Variants in CRYBG2 observed in about 807,000 individuals in gnomAD.
CRYBG2 encodes crystallin beta-gamma domain containing 2, also known as beta/gamma crystallin domain-containing protein 2.
CRYBG2 carries 106 observed loss-of-function variants against 153.4 expected under a neutral mutation model. The observed-to-expected ratio is 0.69, with a 90% CI of 0.59 to 0.81. The LOEUF is 0.81. Among genes scored for constraint, CRYBG2 ranks in the 30% least tolerant of loss-of-function variants. CRYBG2 has a pLI of 0.00. For synonymous variants in CRYBG2, 851 were observed against 877.8 expected, an observed-to-expected ratio of 0.97 and a Z score of 0.54; for missense variants, 1,996 against 2,112.0, an observed-to-expected ratio of 0.95 and a Z score of 1.08.
rs1286334319 is a variant in CRYBG2 at position 26,345,399 on chromosome 1, G to A, written c.1259C>T (p.Pro420Leu). ...CTTCCTTCTTGTAGTGGATGGAGCA[G>A]GAGGTTGTCCAGGGACTGTCACATG... ...SEHVTVPGQPPAPSTTRRKDV... is the reference protein window; with the variant it reads ...SEHVTVPGQPLAPSTTRRKDV... Residue 420 changes from proline (P) to leucine (L), a missense_variant, in exon 2 of 20, where the codon CCT becomes CTT. Pro to Leu is a moderately conservative substitution (Grantham distance 98). Transcript: ENST00000308182. The A allele has an allele frequency of 6.2e-7, 1 of 1,612,720 alleles. No homozygotes were observed. The highest frequency in any genetic ancestry group is 2.2e-5 in the East Asian group (1 of 44,884).
In CRYBG2 at chr1:26,336,281, T is replaced by A. The variant is rs1274556229; in HGVS notation, c.4071+57A>T. 3 of 1,605,958 alleles carry A rather than the reference T, an allele frequency of 1.9e-6. No individual in the cohort carries two copies. Among genetic ancestry groups the A allele is most frequent in the Non-Finnish European group, 1.7e-6 (2 of 1,175,610 alleles). The stretch of plus-strand genomic sequence containing the variant: ...CCGAGAACAGCGGGGAGGGGAAAGG[T>A]CCGAAATGAGGGGAGAGACGTGAGC... On this transcript the variant is annotated intron_variant, in intron 13 of 19. Coordinates refer to ENST00000308182, the MANE Select transcript of CRYBG2 (RefSeq NM_001039775.4). This position sits in a 1 kb window ranked among gnomAD's most constrained non-coding sequence, Gnocchi z 4.9.
intron 5 of CRYBG2, among the ~76,000 whole-genome samples, chr1:26,342,302 C>T (rs955600818): frequency 6.6e-6 from 1 of 152,184 alleles, no homozygotes; most frequent in African/African-American, 2.4e-5. Flanking sequence ...CCAGGCTGCC[C>T]ATTCCCCAGA....
intron 15 of CRYBG2, 150 bp from the exon 16 acceptor site, chr1:26,329,023 G>A (rs910677093): frequency 4.2e-6 from 4 of 959,544 alleles, no homozygotes; most frequent in African/African-American, 1.7e-5. Flanking sequence ...ATTCTTGGAC[G>A]CTGCCAGCCG....
chr1:26,353,775 C>T (rs369327363), intron 1 of CRYBG2, among the ~76,000 whole-genome samples: 151 of 152,226 alleles, frequency 9.9e-4, no homozygotes, highest in African/African-American at 3.6e-3. Flanking sequence ...AGAAGGCAAC[C>T]CCCCTTCCTG....
chr1:26,324,176 G>C lies in CRYBG2; in HGVS notation c.4713C>G (p.Tyr1571Ter), dbSNP rs373509277. ...PQAGGSCIWYYEDGLLKNQMA... is the reference protein window; with the variant it reads ...PQAGGSCIWY ...CCTGGTTCTTCAGCAGCCCATCCTC[G>C]TAGTACCAGATGCAGCTACCTCCAG... is the stretch of plus-strand genomic sequence containing the variant. The change falls in exon 18 of 20, where the codon TAC becomes TAG. Residue 1571 changes from tyrosine to a stop codon, truncating the protein, a stop_gained. Coordinates refer to ENST00000308182, the MANE Select transcript of CRYBG2 (RefSeq NM_001039775.4). LOFTEE classifies it high-confidence loss of function. 95 of 1,613,440 alleles carry C rather than the reference G, an allele frequency of 5.9e-5. No homozygotes were observed. Among genetic ancestry groups the C allele is most frequent in the Admixed American group, 4.2e-4 (25 of 59,964 alleles).
intron 14 of CRYBG2, among the ~76,000 whole-genome samples, chr1:26,331,908 A>G (rs936208488): frequency 2.0e-5 from 3 of 152,236 alleles, no homozygotes; most frequent in African/African-American, 7.2e-5. Context: ...CCATTTGAAA[A>G]CATGAAATAA....
At position 26,324,269 on chromosome 1, in the gene CRYBG2, TC is replaced by T. The variant is rs1557701360; in HGVS notation, c.4619del (p.Gly1540AspfsTer12). ...CCACATGGTCCGGCACTGCCAGGAA[TC>T]CCCCCAGTGCTGCATTCCAGAGGCG... is the stretch of plus-strand genomic sequence containing the variant. ...YFRLWNAALG[G>X]FLAVPDHVED... On this transcript the variant is annotated frameshift_variant, in exon 18 of 20. Transcript: ENST00000308182. LOFTEE classifies it high-confidence loss of function. 2 of 1,611,150 alleles carry T rather than the reference TC, an allele frequency of 1.2e-6. No homozygotes were observed.
chr1:26,343,729 C>A lies in CRYBG2; in HGVS notation c.2913+16G>T, dbSNP rs539299581. Reference sequence around the variant, plus strand: ...GAGGCCAGGCACCTCCCTTGCCCACCCGAGGCCTCACTTACCCACCCCTCC... The same window carrying A: ...GAGGCCAGGCACCTCCCTTGCCCACACGAGGCCTCACTTACCCACCCCTCC... On this transcript the variant is annotated intron_variant, in intron 2 of 19. Transcript: ENST00000308182. This position sits in a 1 kb window ranked among gnomAD's most constrained non-coding sequence, Gnocchi z 4.1. The A allele has an allele frequency of 4.6e-5, 67 of 1,444,516 alleles. No homozygotes were observed. The African/African-American group carries it at 6.3e-4, about 14-fold the overall frequency. 89.5% of individuals were successfully genotyped at this position (1,444,516 alleles called of 1,614,324 possible).
At chr1:26,341,287 G>C (rs1570194944) in intron 5 of CRYBG2, among the ~76,000 whole-genome samples, 1 of 151,502 alleles carries the variant, frequency 6.6e-6, no homozygotes. Context: ...GCTGCTGTGA[G>C]CCGAGATCAT....
At position 26,336,796 on chromosome 1, in the gene CRYBG2, C is replaced by A; in HGVS notation, c.3911+45G>T. 1 of 1,554,254 alleles carries A rather than the reference C, an allele frequency of 6.4e-7. No individual in the cohort carries two copies. ...CCTGCACCTCTCCTGGAACCGCCCC[C>A]GGCTCGCCCGGGCCCGCCCCGCTCC... On this transcript the variant is annotated intron_variant, in intron 11 of 19. Transcript: ENST00000308182. The surrounding 1 kb of genome is among the most constrained non-coding windows in gnomAD (Gnocchi z 4.9).
intron 1 of CRYBG2, among the ~76,000 whole-genome samples, chr1:26,348,727 TG>T (rs1291034968): frequency 2.0e-5 from 3 of 151,954 alleles, no homozygotes; most frequent in Admixed American, 2.0e-4. Context: ...AGCTAATTTT[TG>T]TATTTTTAGT....
rs868834654 is a variant in CRYBG2, at chr1:26,336,174, C to A, written c.4105G>T (p.Asp1369Tyr). Residue 1369 changes from aspartate (D) to tyrosine (Y), a missense_variant, in exon 14 of 20, where the codon GAC (aspartate) becomes TAC (tyrosine). Transcript: ENST00000308182. This position sits in a 1 kb window ranked among gnomAD's most constrained non-coding sequence, Gnocchi z 4.9. ...TGGTCATCTTCGAAAGAGAAGTGGT[C>A]GCCCAGAAAGTCGGGGCGGGAGAAA... ...QLFSRPDFLG[D>Y]HFSFEDDQAA... 1 of 1,549,188 alleles carries A rather than the reference C, an allele frequency of 6.5e-7. No homozygotes were observed. The highest frequency in any genetic ancestry group is 8.7e-7 in the Non-Finnish European group (1 of 1,144,186).
At chr1:26,333,042 A>AAAAAAAAAAAAAAATAT (rs1557706993) in intron 14 of CRYBG2, among the ~76,000 whole-genome samples, 1 of 139,246 alleles carries the variant, frequency 7.2e-6, no homozygotes. Flanking sequence ...AAAAAAAAAA[A>AAAAAAAAAAAAAAATAT]AAAAGATTTC....
intron 7 of CRYBG2, 149 bp downstream of exon 7, chr1:26,338,202 T>C: frequency 7.1e-7 from 1 of 1,408,108 alleles, no homozygotes; most frequent in Non-Finnish European, 9.6e-7. Context: ...CCCACTCCCA[T>C]TCCCAATAGA....
intron 14 of CRYBG2, among the ~76,000 whole-genome samples, chr1:26,335,843 T>G (rs2074047141): frequency 6.6e-6 from 1 of 152,188 alleles, no homozygotes; most frequent in South Asian, 2.1e-4. Context: ...AATTTTACGT[T>G]GGGTCAGGGA....
In CRYBG2 at chr1:26,344,201, C is replaced by T; in HGVS notation, c.2457G>A (p.Glu819=). The T allele has an allele frequency of 1.3e-6, 2 of 1,535,794 alleles. No homozygotes were observed. Among genetic ancestry groups the T allele is most frequent in the Non-Finnish European group, 1.7e-6 (2 of 1,146,656 alleles). The change falls in exon 2 of 20, where the codon GAG becomes GAA. Residue 819 remains glutamate, a synonymous_variant. Transcript: ENST00000308182. ...CCTCTTTCTCTTCCAGTGAAGGCAC[C>T]TCCTGGGGTCCGGGGCCCAGCACCC... ...GPWVLGPGPQ[E]VPSLEEKEEE...
At chr1:26,324,375 C>G (rs996203284) in intron 17 of CRYBG2, 65 bp from the exon 18 acceptor site, 17 of 1,497,018 alleles carry the variant, frequency 1.1e-5, no homozygotes, top group Non-Finnish European at 1.4e-5. Context: ...CCCCAGTACC[C>G]TCAACTCTGG....
chr1:26,344,375 G>C lies in CRYBG2; in HGVS notation c.2283C>G (p.Ala761=). The change falls in exon 2 of 20, where the codon GCC becomes GCG. Residue 761 remains alanine (A), a synonymous_variant. Transcript: ENST00000308182. ...TATCCAGGAATATCTCCAGGTCAGC[G>C]GCCAGGGCCACCTCATCCTCCTCCC... ...TSREEDEVAL[A]ADLEIFLDTL... is the part of the protein sequence containing the mutation. 2 of 1,513,270 alleles carry C rather than the reference G, an allele frequency of 1.3e-6. No homozygotes were observed. The highest frequency in any genetic ancestry group is 1.8e-6 in the Non-Finnish European group (2 of 1,127,640). The allele number at this position is 1,513,270 out of a possible 1,614,324, so 93.7% of individuals were successfully genotyped here.
chr1:26,346,802 G>A lies in CRYBG2; in HGVS notation c.-55-90C>T. 1.2e-6 allele frequency: 1 copy of A among 834,126 alleles called. No homozygotes were observed. Among genetic ancestry groups the A allele is most frequent in the East Asian group, 2.7e-5 (1 of 36,630 alleles). 51.7% of individuals were successfully genotyped at this position (834,126 alleles called of 1,614,324 possible). On this transcript the variant is annotated intron_variant, in intron 1 of 19. Transcript: ENST00000308182. The surrounding 1 kb of genome is among the most constrained non-coding windows in gnomAD (Gnocchi z 4.9). ...AACCACCCCTACCCAAGTCAGGCTG[G>A]GAACCTCAGGCAAATCGCTTGGCCT...
Sources: allele counts gnomAD v4.1 joint callset (sites outside exome capture counted in the v4.1 genomes callset), GRCh38; gene constraint gnomAD v4.1.1; non-coding constraint Gnocchi (gnomAD v3.1); transcripts MANE v1.5; gene names NCBI Gene and HGNC (gene_info 2026-07-23, HGNC 2026-07-21).